Variants in CDON observed in about 807,000 individuals in gnomAD.
The protein encoded by CDON is cell adhesion associated, oncogene regulated, also known as cell adhesion molecule-related/down-regulated by oncogenes.
Under a neutral mutation model 120.9 loss-of-function variants are expected in CDON, and 73 were observed. That is an observed-to-expected ratio of 0.60 (90% CI 0.50 to 0.73). The LOEUF is 0.73. Ranked by LOEUF, CDON falls within the 30% of genes least tolerant of loss-of-function variation. The pLI is 0.00. For synonymous variants in CDON, 566 were observed against 573.5 expected, an observed-to-expected ratio of 0.99 and a Z score of 0.19; for missense variants, 1,470 against 1,587.3, an observed-to-expected ratio of 0.93 and a Z score of 1.26.
intron 18 of CDON, among the ~76,000 whole-genome samples, chr11:125,972,486 G>A (rs1946030439): frequency 6.6e-6 from 1 of 152,036 alleles, no homozygotes; most frequent in Non-Finnish European, 1.5e-5. Context: ...GGAACCCAGT[G>A]AGGCAAGCGG....
At chr11:125,980,566 C>T (rs1591560011) in intron 17 of CDON, among the ~76,000 whole-genome samples, 2 of 152,144 alleles carry the variant, frequency 1.3e-5, no homozygotes, top group African/African-American at 4.8e-5. Context: ...GGCAACACTG[C>T]GCCCTCAGTC....
chr11:126,053,174 T>G (rs531325534), intron 1 of CDON, among the ~76,000 whole-genome samples: 83 of 152,284 alleles, frequency 5.5e-4, no homozygotes, highest in South Asian at 1.5e-3. Flanking sequence ...CATCCAAGAT[T>G]TAATGGAAGA....
chr11:125,994,345 A>G lies in CDON; in HGVS notation c.2589T>C (p.Tyr863=). The change falls in exon 14 of 20, where the codon TAT becomes TAC. Residue 863 remains tyrosine (Y), a synonymous_variant. Transcript: ENST00000531738. Reference sequence around the variant, plus strand: ...CACTATCTGTTGGTCGGTAATAGATATAAAATCCTTGAATGGGAGTGTTAT... The same window carrying G: ...CACTATCTGTTGGTCGGTAATAGATGTAAAATCCTTGAATGGGAGTGTTAT... The part of the protein sequence containing the change: ...SNNNTPIQGF[Y]IYYRPTDSDN... The G allele has an allele frequency of 1.2e-6, 2 of 1,601,894 alleles. No individual in the cohort carries two copies. Among genetic ancestry groups the G allele is most frequent in the Non-Finnish European group, 1.7e-6 (2 of 1,168,946 alleles).
chr11:125,956,863 G>A lies in CDON; in HGVS notation c.*4079C>T, dbSNP rs888860458. The A allele has an allele frequency of 3.1e-5, 31 of 985,750 alleles. No homozygotes were observed. In the Admixed American group the frequency reaches 3.7e-4, roughly 12 times the overall value. The allele number at this position is 985,750 out of a possible 1,614,324, so 61.1% of individuals were successfully genotyped here. A position where few individuals can be genotyped will look rare whatever the true frequency, so the allele number is the denominator to read the frequency against. ...TAGACTTTATTAGATAAGGGGTTTC[G>A]GCTACCCTCAAAGCTCTCAGGACTG... On this transcript the variant is annotated 3_prime_UTR_variant, in exon 20 of 20. Transcript: ENST00000531738.
chr11:126,020,497 A>G (rs2134689587), intron 3 of CDON, among the ~76,000 whole-genome samples: 1 of 152,296 alleles, frequency 6.6e-6, no homozygotes, highest in East Asian at 1.9e-4. Context: ...CGAGGAATTC[A>G]GCCCTCCAGT....
At chr11:126,018,175 C>A (rs1393621313) in intron 5 of CDON, among the ~76,000 whole-genome samples, 155 bp downstream of exon 5, 1 of 152,182 alleles carries the variant, frequency 6.6e-6, no homozygotes, top group East Asian at 1.9e-4. Flanking sequence ...GCTGAGATCA[C>A]AGGGGTGACC....
At chr11:126,016,216 C>T (rs1947464272) in intron 6 of CDON, among the ~76,000 whole-genome samples, 1 of 152,138 alleles carries the variant, frequency 6.6e-6, no homozygotes, top group African/African-American at 2.4e-5. Context: ...AACCACTTTC[C>T]ACCTAATTTT....
intron 17 of CDON, 65 bp downstream of exon 17, chr11:125,980,984 T>A: frequency 6.6e-7 from 1 of 1,514,262 alleles, no homozygotes; most frequent in South Asian, 1.1e-5. Context: ...AAGCATGCTG[T>A]CCCTGTTCTA....
intron 18 of CDON, among the ~76,000 whole-genome samples, chr11:125,969,164 A>G (rs1181869615): frequency 1.3e-5 from 2 of 152,096 alleles, no homozygotes; most frequent in African/African-American, 4.8e-5. Context: ...ATGCCCAGCT[A>G]ATTTTGTATT....
intron 11 of CDON, 23 bp downstream of exon 11, chr11:126,001,696 C>A (rs201559629): frequency 9.3e-6 from 15 of 1,607,604 alleles, no homozygotes; most frequent in Middle Eastern, 3.4e-4. Flanking sequence ...TGTAAAGAAA[C>A]AATAAAATAT....
In CDON at chr11:125,960,834, A is replaced by G. The variant is rs1421566327; in HGVS notation, c.*108T>C. ...ACATTACTACTACAAAAAAATAAAT[A>G]ATGATTTTCTCTGATTTGAATTAAG... On this transcript the variant is annotated 3_prime_UTR_variant, in exon 20 of 20. Transcript: ENST00000531738. 4 of 1,024,314 alleles carry G rather than the reference A, an allele frequency of 3.9e-6. No individual in the cohort carries two copies. Among genetic ancestry groups the G allele is most frequent in the Non-Finnish European group, 6.2e-6 (4 of 649,414 alleles). 63.5% of individuals were successfully genotyped at this position (1,024,314 alleles called of 1,614,324 possible).
intron 8 of CDON, 91 bp downstream of exon 8, chr11:126,010,250 G>C (rs770820523): frequency 1.1e-6 from 1 of 909,118 alleles, no homozygotes; most frequent in African/African-American, 1.7e-5. Flanking sequence ...AGAGATTGCT[G>C]GATTCATTAA....
intron 1 of CDON, among the ~76,000 whole-genome samples, chr11:126,049,200 T>A (rs1315867176): frequency 2.0e-5 from 3 of 152,240 alleles, no homozygotes; most frequent in Non-Finnish European, 4.4e-5. Flanking sequence ...GAACAAGTAG[T>A]CTTTCTTGTT....
intron 11 of CDON, among the ~76,000 whole-genome samples, chr11:126,001,251 G>A (rs568020168): frequency 8.0e-5 from 12 of 149,182 alleles, no homozygotes; most frequent in Non-Finnish European, 1.8e-4. Context: ...GCGGTGGTGT[G>A]ATCTCAGCTC....
At position 126,040,174 on chromosome 11, in the gene CDON, G is replaced by A. The variant is rs993913836; in HGVS notation, c.-61-16637C>T. 1.6e-4 allele frequency among the ~76,000 whole-genome samples: 25 copies of A among 152,096 alleles called. 1 individual carries two copies. The highest frequency in any genetic ancestry group is 1.3e-3 in the Admixed American group (20 of 15,260). ...AAAAGGTCTTTGGGAACAGAGGGCCGGGGGGTATATGGGATATCCCTGTAC... is the reference window on the plus strand; with the variant it reads ...AAAAGGTCTTTGGGAACAGAGGGCCAGGGGGTATATGGGATATCCCTGTAC... On this transcript the variant is annotated intron_variant, in intron 1 of 19. Coordinates refer to ENST00000531738, the MANE Select transcript of CDON (RefSeq NM_001378964.1).
rs901804954 is a variant in CDON at position 125,958,389 on chromosome 11, C to A, written c.*2553G>T. On this transcript the variant is annotated 3_prime_UTR_variant, in exon 20 of 20. Transcript: ENST00000531738. ...AGCACCGAGCACAGTGCCTGGTACA[C>A]AGTAGTTATTCAGCACGTGTTAGTG... The A allele has an allele frequency of 2.6e-5, 4 of 152,186 alleles. No individual in the cohort carries two copies. Among genetic ancestry groups the A allele is most frequent in the African/African-American group, 9.6e-5 (4 of 41,508 alleles). 9.4% of individuals were successfully genotyped at this position (152,186 alleles called of 1,614,324 possible).
Position 126,019,691 on chromosome 11 carries a change from T to A in CDON, c.424A>T (p.Arg142Trp), listed in dbSNP as rs780474749. ...GCTTTGGGGTTACTCTCCGGTACCC[T>A]GCAGCCAATGAAACCAGCACTTTTT... ...EEKSAGFIGC[R>W]VPESNPKAEV... Residue 142 changes from arginine to tryptophan, a missense_variant, in exon 4 of 20, where the codon AGG becomes TGG. By Grantham distance (101) the Arg-to-Trp change is moderately radical. Transcript: ENST00000531738. 22 of 1,613,998 alleles carry A rather than the reference T, an allele frequency of 1.4e-5. No individual in the cohort carries two copies. In the East Asian group the frequency reaches 2.5e-4, roughly 18 times the overall value.
In CDON at chr11:126,010,528, C is replaced by A. The variant is rs767135968; in HGVS notation, c.1365G>T (p.Ser455=). ...TTGATAACTGTGATTTTCGGGATTT[C>A]GATCTCAGGACTTGAGATGGATGGC... ...ITSHPSQVLR[S]KSRKSQLSRP... is the part of the protein sequence containing the mutation. The change falls in exon 8 of 20, where the codon TCG becomes TCT. Residue 455 remains serine, a synonymous_variant. Coordinates refer to ENST00000531738, the MANE Select transcript of CDON (RefSeq NM_001378964.1). 4 of 1,614,100 alleles carry A rather than the reference C, an allele frequency of 2.5e-6. No individual in the cohort carries two copies. The highest frequency in any genetic ancestry group is 2.5e-6 in the Non-Finnish European group (3 of 1,179,996).
intron 11 of CDON, among the ~76,000 whole-genome samples, chr11:125,998,431 G>A (rs545385720): frequency 7.9e-5 from 12 of 152,124 alleles, no homozygotes; most frequent in South Asian, 2.1e-4. Flanking sequence ...AGCATGTGGC[G>A]TCTCTCTTGC....
Sources: allele counts gnomAD v4.1 joint callset (sites outside exome capture counted in the v4.1 genomes callset), GRCh38; gene constraint gnomAD v4.1.1; transcripts MANE v1.5; gene names NCBI Gene and HGNC (gene_info 2026-07-23, HGNC 2026-07-21).